The following CAPRIN1 variants were observed in gnomAD, a reference collection of about 807,000 sequenced individuals.
The protein encoded by CAPRIN1 is cell cycle associated protein 1.
A neutral mutation model predicts 100.9 loss-of-function variants in CAPRIN1; 29 were observed. That is an observed-to-expected ratio of 0.29 (90% CI 0.21 to 0.39). The LOEUF is 0.39. CAPRIN1 is among the 10% of genes least tolerant of loss of function. CAPRIN1 has a pLI of 1.00. For synonymous variants in CAPRIN1, 338 were observed against 307.5 expected (o/e 1.10, Z -1.04); for missense variants, 795 against 876.7 (o/e 0.91, Z 1.18).
chr11:34,094,442 CAG>C (rs1313692069), intron 15 of CAPRIN1, among the ~76,000 whole-genome samples: 2 of 152,164 alleles, frequency 1.3e-5, no homozygotes, highest in Non-Finnish European at 2.9e-5. Flanking sequence ...AACAACATGA[CAG>C]AATCTTTGGC....
chr11:34,083,769 A>G (rs1190210796), intron 9 of CAPRIN1, among the ~76,000 whole-genome samples: 1 of 152,128 alleles, frequency 6.6e-6, no homozygotes, highest in Admixed American at 6.5e-5. Context: ...TTATTCTTAT[A>G]TCAAGACCAT....
rs1700643136 is a variant in CAPRIN1 at position 34,101,254 on chromosome 11, A to G, written c.*1887A>G. On this transcript the variant is annotated 3_prime_UTR_variant, in exon 19 of 19. Transcript: ENST00000341394. ...TAGCACCTCCCCTTGCGTGCTTTAA[A>G]TGACATCTGCCTGGGATGTACCACA... is the stretch of plus-strand genomic sequence containing the variant. 1 of 152,226 alleles carries G rather than the reference A, an allele frequency of 6.6e-6. No individual in the cohort carries two copies. The highest frequency in any genetic ancestry group is 2.4e-5 in the African/African-American group (1 of 41,464). 9.4% of individuals were successfully genotyped at this position (152,226 alleles called of 1,614,324 possible). A position where few individuals can be genotyped will look rare whatever the true frequency, so the allele number is the denominator to read the frequency against.
chr11:34,090,688 T>G lies in CAPRIN1; in HGVS notation c.1554+10T>G. The G allele has an allele frequency of 6.2e-7, 1 of 1,609,426 alleles. No individual in the cohort carries two copies. The highest frequency in any genetic ancestry group is 8.5e-7 in the Non-Finnish European group (1 of 1,176,198). The stretch of plus-strand genomic sequence containing the variant: ...CCAATCCATGCAAACGGTAAGCAAA[T>G]TAACTAACATTAATTGCCTAGTATG... On this transcript the variant is annotated intron_variant, in intron 14 of 18. Coordinates refer to ENST00000341394, the MANE Select transcript of CAPRIN1 (RefSeq NM_005898.5).
chr11:34,066,266 A>G (rs1225035546), intron 2 of CAPRIN1, among the ~76,000 whole-genome samples: 5 of 152,188 alleles, frequency 3.3e-5, no homozygotes, highest in Non-Finnish European at 7.4e-5. Flanking sequence ...CTAGGATTAC[A>G]GGTGTGAGCC....
chr11:34,086,728 C>T (rs929114783), intron 11 of CAPRIN1, among the ~76,000 whole-genome samples: 2 of 152,316 alleles, frequency 1.3e-5, no homozygotes, highest in African/African-American at 4.8e-5. Context: ...CAGAAACCTA[C>T]GTTGTTTCCT....
At chr11:34,082,337 G>A (rs1267942277) in intron 7 of CAPRIN1, among the ~76,000 whole-genome samples, 3 of 151,902 alleles carry the variant, frequency 2.0e-5, no homozygotes. Flanking sequence ...GCAGGCGTCC[G>A]CCACCATGCC....
chr11:34,097,860 T>C (rs1304394602), intron 18 of CAPRIN1, 99 bp downstream of exon 18: 1 of 1,568,756 alleles, frequency 6.4e-7, no homozygotes, highest in Non-Finnish European at 8.7e-7. Flanking sequence ...ACATTTATCC[T>C]TTCCAGACTT....
At position 34,066,494 on chromosome 11, in the gene CAPRIN1, C is replaced by T. The variant is rs76279298; in HGVS notation, c.217-5232C>T. Among the ~76,000 whole-genome samples the T allele has an allele frequency of 5.4e-4, 82 of 151,118 alleles. 1 individual carries two copies. In the East Asian group the frequency reaches 0.011, roughly 20 times the overall value. On this transcript the variant is annotated intron_variant, in intron 2 of 18. Transcript: ENST00000341394. ...GATTACAGGTGGCCGCCTCCATACC[C>T]GGCTCATTTTTGTATTTTTAGTAGA...
rs1172053639 is a variant in CAPRIN1, at chr11:34,052,194, G to GGCGGGTCGGGGGGCGGT, written c.1-223_1-207dup. On this transcript the variant is annotated intron_variant, in intron 1 of 18. Coordinates refer to ENST00000341394, the MANE Select transcript of CAPRIN1 (RefSeq NM_005898.5). The stretch of plus-strand genomic sequence containing the variant: ...CGAGCCGGCGGCTCCGCGGGGGAGG[G>GGCGGGTCGGGGGGCGGT]GCGGGTCGGGGGGCGGTGCGAGGCC... 4 of 154,330 alleles carry GGCGGGTCGGGGGGCGGT rather than the reference G, an allele frequency of 2.6e-5. No individual in the cohort carries two copies. The East Asian group carries it at 5.8e-4, about 23-fold the overall frequency. The allele number at this position is 154,330 out of a possible 1,614,324, so 9.6% of individuals were successfully genotyped here.
Position 34,073,862 on chromosome 11 carries a change from G to A in CAPRIN1, c.366+1875G>A, listed in dbSNP as rs202063597. Among the ~76,000 whole-genome samples, 9 of 152,232 alleles carry A rather than the reference G, an allele frequency of 5.9e-5. No homozygotes were observed. The East Asian group carries it at 1.2e-3, about 20-fold the overall frequency. The stretch of plus-strand genomic sequence containing the variant: ...TTACTATAATGGAATGCCTGAGACC[G>A]GATAATTTATATAAAGAACAGAAAT... On this transcript the variant is annotated intron_variant, in intron 4 of 18. Transcript: ENST00000341394.
At chr11:34,080,915 A>G (rs138105367) in intron 7 of CAPRIN1, among the ~76,000 whole-genome samples, 143 of 152,302 alleles carry the variant, frequency 9.4e-4, no homozygotes, top group Non-Finnish European at 1.1e-3. Flanking sequence ...ATATAAGGCA[A>G]TCTTTTTCCC....
At chr11:34,082,443 C>T (rs1851051892) in intron 7 of CAPRIN1, among the ~76,000 whole-genome samples, 1 of 152,174 alleles carries the variant, frequency 6.6e-6, no homozygotes, top group South Asian at 2.1e-4. Flanking sequence ...CCTGTCTTGG[C>T]CTTCCAAAGT....
intron 14 of CAPRIN1, among the ~76,000 whole-genome samples, chr11:34,091,443 T>C (rs1037674004): frequency 6.6e-6 from 1 of 152,136 alleles, no homozygotes; most frequent in Non-Finnish European, 1.5e-5. Context: ...TAAGCCACCA[T>C]GCCCAGCTAA....
At chr11:34,076,171 T>C (rs746394008) in intron 4 of CAPRIN1, 65 bp from the exon 5 acceptor site, 31 of 1,160,248 alleles carry the variant, frequency 2.7e-5, no homozygotes, top group Non-Finnish European at 3.8e-5. Flanking sequence ...AAGCTGGACC[T>C]GAAATGGATT....
intron 2 of CAPRIN1, among the ~76,000 whole-genome samples, chr11:34,058,594 T>C (rs1850505856): frequency 6.6e-6 from 1 of 152,240 alleles, no homozygotes; most frequent in African/African-American, 2.4e-5. Context: ...AAAAATGCTT[T>C]CCATTTCCTT....
chr11:34,091,925 C>T lies in CAPRIN1; in HGVS notation c.1574C>T (p.Pro525Leu). 1.2e-6 allele frequency: 2 copies of T among 1,613,136 alleles called. No homozygotes were observed. The highest frequency in any genetic ancestry group is 1.7e-6 in the Non-Finnish European group (2 of 1,179,612). The change falls in exon 15 of 19, where the codon CCA becomes CTA. Residue 525 changes from proline to leucine, a missense_variant. Physicochemically the swap from Pro to Leu is moderately conservative, Grantham distance 98. This residue lies in a region of CAPRIN1 where 648 missense variants were observed against 697.9 expected (regional missense o/e 0.93). Coordinates refer to ENST00000341394, the MANE Select transcript of CAPRIN1 (RefSeq NM_005898.5). ...SMQTVFNMNA[P>L]VPPVNEPETL... ...TAACAGGTGTTCAATATGAATGCCC[C>T]AGTTCCTCCTGTTAATGAACCAGAA...
Position 34,097,648 on chromosome 11 carries a change from A to C in CAPRIN1, c.2002-50A>C, listed in dbSNP as rs373054767. ...TGTTAGACTGAAAGAATAGATGGGT[A>C]AGCATTTTTTAAAAAGTACCTTTTC... On this transcript the variant is annotated intron_variant, in intron 17 of 18. Transcript: ENST00000341394. 1.0e-5 allele frequency: 16 copies of C among 1,607,532 alleles called. No individual in the cohort carries two copies. In the African/African-American group the frequency reaches 1.9e-4, roughly 19 times the overall value.
In CAPRIN1 at chr11:34,079,905, GTTTTTTTTTTTTTT is replaced by G. The variant is rs377455073; in HGVS notation, c.826+162_826+175del. On this transcript the variant is annotated intron_variant, in intron 7 of 18. Coordinates refer to ENST00000341394, the MANE Select transcript of CAPRIN1 (RefSeq NM_005898.5). Reference sequence around the variant, plus strand: ...TTAAAGAGACTTTAAGCATGACAAAGTTTTTTTTTTTTTTTTTTTTTTTTTTTTTTTTTTTGGAG... The same window carrying G: ...TTAAAGAGACTTTAAGCATGACAAAGTTTTTTTTTTTTTTTTTTTTTGGAG... The G allele has an allele frequency of 4.6e-3, 1,538 of 330,898 alleles. 3 individuals carry two copies. Among genetic ancestry groups the G allele is most frequent in the South Asian group, 8.1e-3 (152 of 18,772 alleles). The allele number at this position is 330,898 out of a possible 1,614,324, so 20.5% of individuals were successfully genotyped here. A position where few individuals can be genotyped will look rare whatever the true frequency, so the allele number is the denominator to read the frequency against.
chr11:34,099,146 A>G, intron 18 of CAPRIN1, 157 bp from the exon 19 acceptor site: 1 of 1,450,658 alleles, frequency 6.9e-7, no homozygotes, highest in Non-Finnish European at 9.1e-7. Context: ...GACAACTTCC[A>G]GGACAGGGGA....
Sources: allele counts gnomAD v4.1 joint callset (sites outside exome capture counted in the v4.1 genomes callset), GRCh38; gene constraint gnomAD v4.1.1; regional missense constraint gnomAD v4.1.1; transcripts MANE v1.5; gene names NCBI Gene and HGNC (gene_info 2026-07-23, HGNC 2026-07-21).